Variants in TINCR observed in about 807,000 individuals in gnomAD.
The protein encoded by TINCR is TINCR-encoded ubiquitin-like protein.
chr19:5,560,352 A>C (rs1342040751), downstream of TINCR: 1 of 152,240 alleles, frequency 6.6e-6, no homozygotes, highest in Non-Finnish European at 1.5e-5. The surrounding 1 kb of genome is among the most constrained non-coding windows in gnomAD (Gnocchi z 4.5). Context: ...TGCAGCCAAC[A>C]GGACTCTTAA....
intron 1 of TINCR, among the ~76,000 whole-genome samples, chr19:5,564,718 C>T (rs1436403892): frequency 6.6e-6 from 1 of 152,210 alleles, no homozygotes; most frequent in Non-Finnish European, 1.5e-5. Context: ...GCTGGGATTA[C>T]AGGCGTATAT....
Position 5,563,965 on chromosome 19 carries a change from G to A in TINCR, c.261-1016C>T, listed in dbSNP as rs1004162698. ...AAAAGCATCCTCGCCAGGGGACAGC[G>A]GTAAGGCCACGTGAAAAGCCCCTAG... On this transcript the variant is annotated intron_variant, in intron 1 of 1. Transcript: ENST00000646160. This position sits in a 1 kb window ranked among gnomAD's most constrained non-coding sequence, Gnocchi z 4.7. Among the ~76,000 whole-genome samples, 3 of 152,042 alleles carry A rather than the reference G, an allele frequency of 2.0e-5. No individual in the cohort carries two copies. The highest frequency in any genetic ancestry group is 4.8e-5 in the African/African-American group (2 of 41,410).
intron 1 of TINCR, among the ~76,000 whole-genome samples, chr19:5,564,480 C>G (rs1437648317): frequency 6.7e-6 from 1 of 150,216 alleles, no homozygotes; most frequent in Non-Finnish European, 1.5e-5. Flanking sequence ...GAAGACAAAG[C>G]TGGACTCTGC....
rs1389881389 is a variant in TINCR, at chr19:5,563,962, A to G, written c.261-1013T>C. Among the ~76,000 whole-genome samples, 1 of 152,152 alleles carries G rather than the reference A, an allele frequency of 6.6e-6. No individual in the cohort carries two copies. Among genetic ancestry groups the G allele is most frequent in the Non-Finnish European group, 1.5e-5 (1 of 68,020 alleles). On this transcript the variant is annotated intron_variant, in intron 1 of 1. Coordinates refer to ENST00000646160, the Ensembl canonical transcript of TINCR. The surrounding 1 kb of genome is among the most constrained non-coding windows in gnomAD (Gnocchi z 4.7). ...AATAAAAGCATCCTCGCCAGGGGAC[A>G]GCGGTAAGGCCACGTGAAAAGCCCC... is the stretch of plus-strand genomic sequence containing the variant.
At chr19:5,567,694 G>C (rs2052138866) in exon 1 of TINCR, 1 of 159,590 alleles carries the variant, frequency 6.3e-6, no homozygotes, top group Non-Finnish European at 1.3e-5. Context: ...GCAGCACCGA[G>C]CCGTCCTGCA....
At chr19:5,566,416 A>G (rs970822882) in intron 1 of TINCR, among the ~76,000 whole-genome samples, 4 of 151,986 alleles carry the variant, frequency 2.6e-5, no homozygotes, top group African/African-American at 9.7e-5. Flanking sequence ...ATGGAGAGAG[A>G]CAGAGAAAGA....
chr19:5,559,204 C>T (rs1291746841), downstream of TINCR: 1 of 152,218 alleles, frequency 6.6e-6, no homozygotes, highest in African/African-American at 2.4e-5. Context: ...GAAACCCTTC[C>T]CCACTTCCTC....
rs2052110217 is a variant in TINCR, at chr19:5,563,230, G to A, written c.261-281C>T. Among the ~76,000 whole-genome samples the A allele has an allele frequency of 1.3e-5, 2 of 152,014 alleles. No homozygotes were observed. Among genetic ancestry groups the A allele is most frequent in the South Asian group, 4.2e-4 (2 of 4,812 alleles). On this transcript the variant is annotated intron_variant, in intron 1 of 1. Transcript: ENST00000646160. This position sits in a 1 kb window ranked among gnomAD's most constrained non-coding sequence, Gnocchi z 4.7. ...GGAGCCATGGAGGGCTGCCGGCAGA[G>A]GAGGGACACGCCCCGACTCAGGGGC...
chr19:5,567,942 G>C (rs1020136593), exon 1 of TINCR: 7 of 378,156 alleles, frequency 1.9e-5, no homozygotes, highest in African/African-American at 8.4e-5. Context: ...GCCCGGCTCC[G>C]GCTCCAGCTC....
downstream of TINCR, chr19:5,561,389 G>C (rs553057841): frequency 6.5e-6 from 1 of 153,848 alleles, no homozygotes; most frequent in South Asian, 2.1e-4. Context: ...GTCCACCTGG[G>C]AGCCCAGACC....
chr19:5,564,282 C>T (rs189151597), intron 1 of TINCR, among the ~76,000 whole-genome samples: 87 of 152,312 alleles, frequency 5.7e-4, no homozygotes, highest in African/African-American at 2.1e-3. Flanking sequence ...TCATTTCTCA[C>T]ATGGGGAAGC....
At chr19:5,564,050 C>T (rs956480877) in intron 1 of TINCR, among the ~76,000 whole-genome samples, 3 of 152,208 alleles carry the variant, frequency 2.0e-5, no homozygotes, top group Non-Finnish European at 4.4e-5. Context: ...CCGTGACAAC[C>T]TGTCTCCCTG....
chr19:5,567,896 CGCGACAGCCCCCGCCGCAGCCCCTCCATG>C, exon 1 of TINCR: 1 of 388,198 alleles, frequency 2.6e-6, no homozygotes, highest in South Asian at 1.3e-4. Flanking sequence ...GCGCTTCCAG[CGCGACAGCCCCCGCCGCAGCCCCTCCATG>C]GCGCCCGCCC....
At chr19:5,564,308 T>G (rs1419413451) in intron 1 of TINCR, among the ~76,000 whole-genome samples, 1 of 152,228 alleles carries the variant, frequency 6.6e-6, no homozygotes, top group Non-Finnish European at 1.5e-5. Flanking sequence ...CCTCCCCGGC[T>G]GCTGCTGCAC....
chr19:5,560,293 C>T (rs1447018991), downstream of TINCR: 2 of 152,238 alleles, frequency 1.3e-5, no homozygotes, highest in Non-Finnish European at 2.9e-5. This position sits in a 1 kb window ranked among gnomAD's most constrained non-coding sequence, Gnocchi z 4.5. Context: ...CTGGGCACGG[C>T]TGTCCCCGTG....
At chr19:5,560,687 T>G (rs1282700088), downstream of TINCR, 2 of 152,202 alleles carry the variant, frequency 1.3e-5, no homozygotes, top group African/African-American at 2.4e-5. This position sits in a 1 kb window ranked among gnomAD's most constrained non-coding sequence, Gnocchi z 4.5. Context: ...CCCAAGACCC[T>G]ATGCAAGACG....
rs560357617 is a variant in TINCR at position 5,563,613 on chromosome 19, C to T, written c.261-664G>A. Among the ~76,000 whole-genome samples, 3 of 152,234 alleles carry T rather than the reference C, an allele frequency of 2.0e-5. No homozygotes were observed. The highest frequency in any genetic ancestry group is 2.1e-4 in the South Asian group (1 of 4,824). ...TGCCTCAGCTTCTCCACCTGTAAACCGCCAATGATAACGGCACCCGGCCAG... is the reference window on the plus strand; with the variant it reads ...TGCCTCAGCTTCTCCACCTGTAAACTGCCAATGATAACGGCACCCGGCCAG... On this transcript the variant is annotated intron_variant, in intron 1 of 1. Transcript: ENST00000646160. The surrounding 1 kb of genome is among the most constrained non-coding windows in gnomAD (Gnocchi z 4.7).
At chr19:5,567,623 G>GCCC in intron 1 of TINCR, 42 bp downstream of exon 1, 1 of 328,346 alleles carries the variant, frequency 3.0e-6, no homozygotes, top group Non-Finnish European at 5.5e-6. Flanking sequence ...GGGGTCCCCG[G>GCCC]CCGCCGCCCC....
At chr19:5,558,382 C>A (rs1349451593), downstream of TINCR, 2 of 152,134 alleles carry the variant, frequency 1.3e-5, no homozygotes, top group East Asian at 3.9e-4. Flanking sequence ...GAAGGATAAG[C>A]AATGGCTGCA....
Sources: allele counts gnomAD v4.1 joint callset (sites outside exome capture counted in the v4.1 genomes callset), GRCh38; gene constraint gnomAD v4.1.1; non-coding constraint Gnocchi (gnomAD v3.1); transcripts MANE v1.5; gene names NCBI Gene and HGNC (gene_info 2026-07-23, HGNC 2026-07-21).